The following ESRRG variants were observed in gnomAD, a reference collection of about 807,000 sequenced individuals.
ESRRG encodes the protein estrogen related receptor gamma.
Under a neutral mutation model 44.0 loss-of-function variants are expected in ESRRG, and 13 were observed. The ratio of observed to expected loss-of-function variants is 0.30; its 90% CI spans 0.19 to 0.47. The LOEUF is 0.47. Among genes scored for constraint, ESRRG ranks in the 20% least tolerant of loss-of-function variants. The pLI, the probability that ESRRG is intolerant of heterozygous loss-of-function variation, is 1.00. For synonymous variants in ESRRG, 215 were observed against 214.6 expected (o/e 1.00, Z -0.02); for missense variants, 395 against 580.6 (o/e 0.68, Z 3.29).
chr1:216,508,967 G>A (rs551266101), intron 6 of ESRRG, among the ~76,000 whole-genome samples: 3 of 152,198 alleles, frequency 2.0e-5, no homozygotes, highest in African/African-American at 7.2e-5. Context: ...GAGAAAATGG[G>A]AATTACACTC....
intron 2 of ESRRG, among the ~76,000 whole-genome samples, chr1:216,933,088 C>T (rs2063610987): frequency 6.6e-6 from 1 of 152,038 alleles, no homozygotes; most frequent in Non-Finnish European, 1.5e-5. Context: ...ATAACAGCAA[C>T]TACCTCATAG....
chr1:216,659,700 A>G (rs2071740079), intron 2 of ESRRG, among the ~76,000 whole-genome samples: 1 of 152,086 alleles, frequency 6.6e-6, no homozygotes, highest in South Asian at 2.1e-4. Flanking sequence ...CTTCAGTGAG[A>G]TGATCCCAGG....
At chr1:216,608,217 T>C (rs921850107) in intron 3 of ESRRG, among the ~76,000 whole-genome samples, 12 of 152,216 alleles carry the variant, frequency 7.9e-5, no homozygotes, top group Non-Finnish European at 1.6e-4. Context: ...AATAAAGCCA[T>C]GTTTGCATCT....
intron 2 of ESRRG, among the ~76,000 whole-genome samples, chr1:216,657,742 T>A (rs1358200379): frequency 6.6e-6 from 1 of 151,988 alleles, no homozygotes; most frequent in Non-Finnish European, 1.5e-5. Flanking sequence ...ATAGTTAGAG[T>A]TGGCTCTTAT....
At chr1:216,508,344 C>T (rs1209729849) in intron 6 of ESRRG, among the ~76,000 whole-genome samples, 28 of 151,992 alleles carry the variant, frequency 1.8e-4, no homozygotes, top group Admixed American at 1.8e-3. Context: ...TGAATCATTC[C>T]ACCATATCAC....
intron 1 of ESRRG, among the ~76,000 whole-genome samples, chr1:216,997,002 C>T (rs779246922): frequency 6.6e-6 from 1 of 152,026 alleles, no homozygotes; most frequent in Non-Finnish European, 1.5e-5. Context: ...CCACAGGAAA[C>T]GGGCATTTTT....
At chr1:216,554,471 C>G (rs1167796352) in intron 5 of ESRRG, among the ~76,000 whole-genome samples, 1 of 149,748 alleles carries the variant, frequency 6.7e-6, no homozygotes, top group Non-Finnish European at 1.5e-5. Flanking sequence ...AAAAACAAAC[C>G]AAAGAAAAAC....
At chr1:216,880,739 T>C (rs1358054297) in intron 2 of ESRRG, among the ~76,000 whole-genome samples, 2 of 152,120 alleles carry the variant, frequency 1.3e-5, no homozygotes, top group Admixed American at 6.5e-5. Context: ...ACACTAAATA[T>C]GGCAGGAAAG....
At position 216,970,810 on chromosome 1, in the gene ESRRG, G is replaced by A. The variant is rs1258560243; in HGVS notation, c.-105-31137C>T. Among the ~76,000 whole-genome samples, 3 of 152,186 alleles carry A rather than the reference G, an allele frequency of 2.0e-5. No homozygotes were observed. The East Asian group carries it at 5.8e-4, about 29-fold the overall frequency. On this transcript the variant is annotated intron_variant, in intron 1 of 7. Coordinates refer to the ESRRG transcript ENST00000359162. ...TACTCTTCTCAAAATCAGGGCAGAG[G>A]TGACTGCTGGGAGCCAAAATTGTGG...
intron 1 of ESRRG, among the ~76,000 whole-genome samples, chr1:217,049,704 A>G (rs2085554177): frequency 6.6e-6 from 1 of 152,180 alleles, no homozygotes. Context: ...TCCTTGGCCC[A>G]TGGTTGCGGC....
intron 5 of ESRRG, among the ~76,000 whole-genome samples, chr1:216,521,452 CAA>C (rs113482264): frequency 6.9e-6 from 1 of 145,228 alleles, no homozygotes. Context: ...ATTAAAATAC[CAA>C]AAAAAAAAAA....
chr1:216,879,204 T>C (rs1276921687), intron 2 of ESRRG, among the ~76,000 whole-genome samples: 1 of 152,176 alleles, frequency 6.6e-6, no homozygotes, highest in Non-Finnish European at 1.5e-5. Flanking sequence ...CTAAATAACT[T>C]GGAGTTCAAG....
chr1:216,999,369 CA>C (rs2076742952), intron 1 of ESRRG, among the ~76,000 whole-genome samples: 1 of 152,198 alleles, frequency 6.6e-6, no homozygotes, highest in South Asian at 2.1e-4. Flanking sequence ...TTATCAAGCA[CA>C]TACATGCTAG....
At chr1:216,979,048 T>A (rs1292170417) in intron 1 of ESRRG, among the ~76,000 whole-genome samples, 1 of 152,050 alleles carries the variant, frequency 6.6e-6, no homozygotes, top group Admixed American at 6.6e-5. Context: ...TCTCTCTCCC[T>A]CCCCTCCTCC....
intron 1 of ESRRG, among the ~76,000 whole-genome samples, chr1:216,692,507 A>G (rs1026190524): frequency 2.0e-5 from 3 of 152,244 alleles, no homozygotes; most frequent in African/African-American, 7.2e-5. Flanking sequence ...TTAACATTTT[A>G]GCAGTTTATA....
chr1:216,602,890 T>C (rs1382966516), intron 3 of ESRRG, among the ~76,000 whole-genome samples: 1 of 152,164 alleles, frequency 6.6e-6, no homozygotes, highest in Non-Finnish European at 1.5e-5. Context: ...ATTGTCTACA[T>C]GAAGAAAACT....
At chr1:217,135,349 T>C (rs2093033782) in intron 1 of ESRRG, among the ~76,000 whole-genome samples, 1 of 152,024 alleles carries the variant, frequency 6.6e-6, no homozygotes, top group Non-Finnish European at 1.5e-5. Context: ...TGCGCCCAGA[T>C]GCAAACTCAG....
chr1:216,602,123 T>C (rs1240932989), intron 3 of ESRRG, among the ~76,000 whole-genome samples: 1 of 152,190 alleles, frequency 6.6e-6, no homozygotes, highest in Non-Finnish European at 1.5e-5. Context: ...AGTTGTTATA[T>C]CACACACAGT....
At chr1:216,686,144 T>C (rs1332197236) in intron 1 of ESRRG, 1 of 152,194 alleles carries the variant, frequency 6.6e-6, no homozygotes, top group Non-Finnish European at 1.5e-5. Flanking sequence ...TTGGGTGATC[T>C]ATAGCAGAGG....
Sources: gnomAD v4.1 joint callset for allele counts (sites outside exome capture counted in the v4.1 genomes callset) on GRCh38, gnomAD v4.1.1 for gene constraint, MANE v1.5 for transcripts, NCBI Gene and HGNC (gene_info 2026-07-23, HGNC 2026-07-21) for gene names.